The following UHRF1 variants were observed in gnomAD, a reference collection of about 807,000 sequenced individuals.
UHRF1 encodes E3 ubiquitin-protein ligase UHRF1.
A neutral mutation model predicts 96.5 loss-of-function variants in UHRF1; 9 were observed. The observed-to-expected ratio is 0.09, with a 90% confidence interval of 0.06 to 0.16. The LOEUF (loss-of-function observed/expected upper bound fraction) is 0.16. UHRF1 is among the 10% of genes least tolerant of loss of function. The probability of loss-of-function intolerance (pLI) is 1.00; values close to 1 mark genes in which losing one functional copy is unlikely to be tolerated. For missense variants in UHRF1, 626 were observed against 1,131.1 expected (o/e 0.55, Z 6.40); for synonymous variants, 455 against 469.9 (o/e 0.97, Z 0.41).
At chr19:4,909,878 C>G (rs1026399460) in intron 1 of UHRF1, 2 of 374,426 alleles carry the variant, frequency 5.3e-6, no homozygotes, top group Non-Finnish European at 9.5e-6. Context: ...GGCGGGGGGT[C>G]GAGCGCGCCG....
upstream of UHRF1, among the ~76,000 whole-genome samples, chr19:4,907,616 A>C (rs1438107418): frequency 6.7e-6 from 1 of 150,000 alleles, no homozygotes; most frequent in Non-Finnish European, 1.5e-5. Flanking sequence ...GTCTGAAATA[A>C]ATTTTAGGGG....
chr19:4,931,252 C>T (rs1385773543), intron 4 of UHRF1, among the ~76,000 whole-genome samples: 1 of 152,220 alleles, frequency 6.6e-6, no homozygotes, highest in Non-Finnish European at 1.5e-5. Flanking sequence ...TCGGGGTCCA[C>T]ACACCAGTGG....
upstream of UHRF1, chr19:4,909,478 C>T (rs1306899893): frequency 1.5e-6 from 1 of 652,444 alleles, no homozygotes; most frequent in Admixed American, 2.3e-5. Flanking sequence ...TCCCAAATGC[C>T]GAGTTTTCGC....
intron 2 of UHRF1, among the ~76,000 whole-genome samples, chr19:4,911,841 C>G (rs2032290527): frequency 1.3e-5 from 2 of 152,036 alleles, no homozygotes; most frequent in South Asian, 4.1e-4. Flanking sequence ...TAGGTCCCAT[C>G]TGCTGGAGTT....
chr19:4,918,677 G>A (rs2032603906), intron 2 of UHRF1, among the ~76,000 whole-genome samples: 1 of 149,396 alleles, frequency 6.7e-6, no homozygotes, highest in African/African-American at 2.5e-5. Context: ...GCCTCCCAAA[G>A]TGCTGGGATT....
At chr19:4,920,622 T>C (rs567392624) in intron 2 of UHRF1, among the ~76,000 whole-genome samples, 32 of 152,202 alleles carry the variant, frequency 2.1e-4, no homozygotes, top group African/African-American at 7.7e-4. Context: ...GATGTGATCA[T>C]TTTGCATGAG....
chr19:4,912,095 C>T (rs1319465520), intron 2 of UHRF1, among the ~76,000 whole-genome samples: 1 of 152,170 alleles, frequency 6.6e-6, no homozygotes, highest in African/African-American at 2.4e-5. Context: ...AGGAGACCTT[C>T]ATTAGCCCTC....
At chr19:4,913,766 C>T (rs1599238780) in intron 2 of UHRF1, among the ~76,000 whole-genome samples, 1 of 151,046 alleles carries the variant, frequency 6.6e-6, no homozygotes, top group Non-Finnish European at 1.5e-5. Context: ...TCATAACCGC[C>T]TCTTAGTTCC....
Position 4,941,791 on chromosome 19 carries a change from A to G in UHRF1, c.933A>G (p.Arg311=), listed in dbSNP as rs762356147. ...SCKHCKDDVN[R]LCRVCACHLC... ...AGCACTGCAAGGACGACGTGAACAGACTCTGCCGGGTCTGCGCCTGCCACC... is the reference window on the plus strand; with the variant it reads ...AGCACTGCAAGGACGACGTGAACAGGCTCTGCCGGGTCTGCGCCTGCCACC... Residue 311 remains arginine (R), a synonymous_variant, in exon 7 of 17, where the codon AGA becomes AGG. Coordinates refer to ENST00000650932, the MANE Select transcript of UHRF1 (RefSeq NM_001048201.3). The G allele has an allele frequency of 5.3e-5, 83 of 1,573,406 alleles. No individual in the cohort carries two copies. Among genetic ancestry groups the G allele is most frequent in the Non-Finnish European group, 6.6e-5 (77 of 1,159,980 alleles).
At chr19:4,903,227 C>T (rs1045230767) in exon 1 of UHRF1, 2 of 213,874 alleles carry the variant, frequency 9.4e-6, no homozygotes, top group Admixed American at 1.1e-4. Context: ...ACTGTGTTGG[C>T]CAGGATGGTC....
chr19:4,947,067 T>A, intron 10 of UHRF1, 38 bp from the exon 11 acceptor site: 44 of 1,395,502 alleles, frequency 3.2e-5, no homozygotes, highest in Non-Finnish European at 4.2e-5. Flanking sequence ...TTTTTTTGCC[T>A]CTGCAGAGGG....
At chr19:4,941,107 T>TTTC (rs2033383535) in intron 5 of UHRF1, among the ~76,000 whole-genome samples, 1 of 125,800 alleles carries the variant, frequency 7.9e-6, no homozygotes, top group African/African-American at 3.0e-5. Flanking sequence ...TTTTTTTTTT[T>TTTC]TGAGACTGAG....
intron 2 of UHRF1, among the ~76,000 whole-genome samples, chr19:4,912,286 T>G (rs532430166): frequency 6.6e-6 from 1 of 152,254 alleles, no homozygotes; most frequent in African/African-American, 2.4e-5. Context: ...CCTCCTCCTA[T>G]GATGCGTGCT....
In UHRF1 at chr19:4,930,653, A is replaced by T; in HGVS notation, c.409-63A>T. On this transcript the variant is annotated intron_variant, in intron 3 of 16. Coordinates refer to ENST00000650932, the MANE Select transcript of UHRF1 (RefSeq NM_001048201.3). The surrounding 1 kb of genome is among the most constrained non-coding windows in gnomAD (Gnocchi z 4.4). Reference sequence around the variant, plus strand: ...AGAGCATCCCAGTGTCCGAGAACCAAGGTGGTCTCCCGTCAGTTTTCCTCA... The same window carrying T: ...AGAGCATCCCAGTGTCCGAGAACCATGGTGGTCTCCCGTCAGTTTTCCTCA... 1.9e-6 allele frequency: 3 copies of T among 1,564,406 alleles called. No homozygotes were observed. Among genetic ancestry groups the T allele is most frequent in the Non-Finnish European group, 2.6e-6 (3 of 1,149,692 alleles).
At chr19:4,937,868 A>G (rs2033265044) in intron 5 of UHRF1, among the ~76,000 whole-genome samples, 1 of 152,148 alleles carries the variant, frequency 6.6e-6, no homozygotes, top group African/African-American at 2.4e-5. Flanking sequence ...ACGAGACCAT[A>G]GGCTGGGTGC....
rs754241845 is a variant in UHRF1 at position 4,954,809 on chromosome 19, C to T, written c.2117C>T (p.Ala706Val). 1.4e-5 allele frequency: 23 copies of T among 1,613,586 alleles called. No homozygotes were observed. The highest frequency in any genetic ancestry group is 1.7e-4 in the Middle Eastern group (1 of 6,058). Residue 706 changes from alanine to valine, a missense_variant, in exon 15 of 17, where the codon GCG becomes GTG. Around this residue, in one of 11 missense-constraint regions of UHRF1, gnomAD observed 84 missense variants for 150.3 expected, o/e 0.56. Coordinates refer to ENST00000650932, the MANE Select transcript of UHRF1 (RefSeq NM_001048201.3). This position sits in a 1 kb window ranked among gnomAD's most constrained non-coding sequence, Gnocchi z 5.9. ...CTGGCGTCACTCAAGGACCGGCCGG[C>T]GAGCGGCAGCCCGGTAGGCTCGCAC... is the stretch of plus-strand genomic sequence containing the variant. ...EVLASLKDRP[A>V]SGSPFQLFLS...
chr19:4,922,113 A>AT (rs1403896594), intron 2 of UHRF1, among the ~76,000 whole-genome samples: 2 of 151,758 alleles, frequency 1.3e-5, no homozygotes, highest in Non-Finnish European at 2.9e-5. Context: ...CACCCAGCTA[A>AT]TTTTTGTATT....
Position 4,962,035 on chromosome 19 carries a change from C to A in UHRF1, c.*1232C>A, listed in dbSNP as rs1182685743. 1.3e-5 allele frequency: 2 copies of A among 152,038 alleles called. No homozygotes were observed. The highest frequency in any genetic ancestry group is 4.8e-5 in the African/African-American group (2 of 41,406). 9.4% of individuals were successfully genotyped at this position (152,038 alleles called of 1,614,324 possible). ...ATTTTTAAAGGGTTTTTTTCACCTC[C>A]TTATTCTTAGATTATTAATGTATTA... On this transcript the variant is annotated 3_prime_UTR_variant, in exon 17 of 17. Transcript: ENST00000650932.
chr19:4,951,222 C>T (rs758259768), intron 13 of UHRF1, among the ~76,000 whole-genome samples: 5 of 152,114 alleles, frequency 3.3e-5, no homozygotes, highest in African/African-American at 4.8e-5. Context: ...GCTGAGATTG[C>T]GCCACTGCAC....
Sources: gnomAD v4.1 joint callset for allele counts (sites outside exome capture counted in the v4.1 genomes callset) on GRCh38, gnomAD v4.1.1 for gene constraint, gnomAD v4.1.1 regional missense constraint, Gnocchi (gnomAD v3.1) non-coding constraint, MANE v1.5 for transcripts, NCBI Gene and HGNC (gene_info 2026-07-23, HGNC 2026-07-21) for gene names.